Variants in CLECL1 observed in about 807,000 individuals in gnomAD.
CLECL1 encodes the protein C-type lectin-like domain family 1.
chr12:9,708,668 C>T, the CLECL1 span, among the ~76,000 whole-genome samples: 1 of 152,196 alleles, frequency 6.6e-6, no homozygotes, highest in Non-Finnish European at 1.5e-5. Flanking sequence ...TAGATAAGGG[C>T]AGTTAACTCC....
At chr12:9,708,880 AC>A in the CLECL1 span, 1 of 261,382 alleles carries the variant, frequency 3.8e-6, no homozygotes, top group Non-Finnish European at 7.2e-6. Context: ...AGAATGGGCA[AC>A]CAGTTCTCTT....
At chr12:9,720,293 T>C (rs1030290992), downstream of CLECL1, among the ~76,000 whole-genome samples, 1 of 151,744 alleles carries the variant, frequency 6.6e-6, no homozygotes, top group Non-Finnish European at 1.5e-5. Flanking sequence ...ATTGTGTAGA[T>C]AGCAGATAGG....
intron 2 of CLECL1, among the ~76,000 whole-genome samples, chr12:9,727,843 T>C (rs1866397946): frequency 6.6e-6 from 1 of 151,732 alleles, no homozygotes; most frequent in Non-Finnish European, 1.5e-5. Flanking sequence ...ATTTAGAGTC[T>C]CTTTTGCACT....
the CLECL1 span, among the ~76,000 whole-genome samples, chr12:9,707,419 C>T: frequency 2.0e-5 from 3 of 152,092 alleles, no homozygotes; most frequent in African/African-American, 7.2e-5. Flanking sequence ...TTTACACATA[C>T]ATTTGATATG....
chr12:9,721,661 CTATTATT>C (rs1866314379), downstream of CLECL1, among the ~76,000 whole-genome samples: 1 of 152,118 alleles, frequency 6.6e-6, no homozygotes, highest in African/African-American at 2.4e-5. Flanking sequence ...TGGCTCCAAG[CTATTATT>C]TATTGTTGAT....
chr12:9,716,467 G>A (rs1866240540), exon 3 of CLECL1: 2 of 174,838 alleles, frequency 1.1e-5, no homozygotes, highest in Admixed American at 6.4e-5. Flanking sequence ...CTCAAACAGG[G>A]CACTGCAACT....
At chr12:9,711,663 C>T (rs1008583591), downstream of CLECL1, among the ~76,000 whole-genome samples, 3 of 151,632 alleles carry the variant, frequency 2.0e-5, no homozygotes, top group African/African-American at 4.8e-5. Flanking sequence ...TTGCAGTGGT[C>T]CTTCTCAGCT....
intron 1 of CLECL1, among the ~76,000 whole-genome samples, chr12:9,732,285 A>C (rs1342422071): frequency 1.3e-5 from 2 of 152,222 alleles, no homozygotes; most frequent in Non-Finnish European, 2.9e-5. Flanking sequence ...TAGAGCAGAG[A>C]ATGGAAATGT....
chr12:9,730,175 A>C (rs1202113944), intron 1 of CLECL1, among the ~76,000 whole-genome samples: 1 of 152,230 alleles, frequency 6.6e-6, no homozygotes, highest in Non-Finnish European at 1.5e-5. Flanking sequence ...GTTCACAGTC[A>C]CACAGTTACT....
At chr12:9,710,808 A>T in the CLECL1 span, among the ~76,000 whole-genome samples, 17 of 152,142 alleles carry the variant, frequency 1.1e-4, no homozygotes, top group African/African-American at 4.1e-4. Flanking sequence ...CAGCTGGAGG[A>T]CAGTCTGGGC....
At chr12:9,711,384 G>A (rs1458072166), downstream of CLECL1, among the ~76,000 whole-genome samples, 1 of 152,082 alleles carries the variant, frequency 6.6e-6, no homozygotes, top group Non-Finnish European at 1.5e-5. Context: ...TAATCTAAAA[G>A]CTTTGGTCAA....
intron 3 of CLECL1, among the ~76,000 whole-genome samples, chr12:9,725,876 G>A (rs899641085): frequency 2.6e-5 from 4 of 152,000 alleles, no homozygotes; most frequent in Admixed American, 2.0e-4. Context: ...GGCCCTTCAT[G>A]GTAATAATCT....
downstream of CLECL1, among the ~76,000 whole-genome samples, chr12:9,711,573 A>G (rs1228812298): frequency 1.3e-5 from 2 of 151,910 alleles, no homozygotes; most frequent in Non-Finnish European, 1.5e-5. Context: ...AGAATTTCAC[A>G]TACTTGATTG....
downstream of CLECL1, among the ~76,000 whole-genome samples, chr12:9,721,363 G>A (rs909618379): frequency 2.6e-5 from 4 of 152,106 alleles, no homozygotes; most frequent in African/African-American, 9.7e-5. Context: ...TGTTTAGAAA[G>A]GGACATGCTT....
chr12:9,707,471 T>C, the CLECL1 span, among the ~76,000 whole-genome samples: 16 of 152,194 alleles, frequency 1.1e-4, no homozygotes, highest in Non-Finnish European at 2.1e-4. Context: ...TTAAATGATA[T>C]GCAGTGGGGG....
In CLECL1 at chr12:9,732,981, G is replaced by A. The variant is rs776471903; in HGVS notation, n.50C>T. The A allele has an allele frequency of 3.7e-6, 6 of 1,609,554 alleles. 1 individual carries two copies. In the South Asian group the frequency reaches 4.4e-5, roughly 12 times the overall value. On this transcript the variant is annotated non_coding_transcript_exon_variant, in exon 1 of 4. Coordinates refer to ENST00000621400, the Ensembl canonical transcript of CLECL1. ...CTGAAGTGGAAACGCGAGTTCTAAC[G>A]GGGAAGTCCGAACAGTTTTGATGTC... is the stretch of plus-strand genomic sequence containing the variant.
chr12:9,727,397 T>C (rs746204562), intron 3 of CLECL1, among the ~76,000 whole-genome samples: 7 of 151,948 alleles, frequency 4.6e-5, no homozygotes, highest in Admixed American at 3.9e-4. Flanking sequence ...GCCCTTTACA[T>C]GTTAATATTT....
At chr12:9,724,522 A>G (rs1293590368) in intron 3 of CLECL1, among the ~76,000 whole-genome samples, 1 of 152,202 alleles carries the variant, frequency 6.6e-6, no homozygotes. Flanking sequence ...GGACAGTAGG[A>G]AAAAAGCCAA....
In CLECL1 at chr12:9,723,297, T is replaced by C. The variant is rs181197300; in HGVS notation, n.263-484A>G. ...ATCTCTATTATCACACAAAACGATC[T>C]TGACATCTAAAAATGTGCTCTTAAC... On this transcript the variant is annotated intron_variant and non_coding_transcript_variant, in intron 3 of 3. Transcript: ENST00000621400. Among the ~76,000 whole-genome samples, 23 of 152,320 alleles carry C rather than the reference T, an allele frequency of 1.5e-4. No individual in the cohort carries two copies. In the East Asian group the frequency reaches 3.3e-3, roughly 22 times the overall value.
Sources: allele counts gnomAD v4.1 joint callset (sites outside exome capture counted in the v4.1 genomes callset), GRCh38; gene constraint gnomAD v4.1.1; transcripts MANE v1.5; gene names NCBI Gene and HGNC (gene_info 2026-07-23, HGNC 2026-07-21).